TMEM245: variants seen among roughly 807,000 people sequenced by gnomAD.
TMEM245 encodes transmembrane protein 245.
TMEM245 carries 69 observed loss-of-function variants against 101.2 expected under a neutral mutation model. The observed-to-expected ratio is 0.68, with a 90% CI of 0.56 to 0.83. The LOEUF is 0.83. Among genes scored for constraint, TMEM245 ranks in the 40% least tolerant of loss-of-function variants. The probability of loss-of-function intolerance (pLI) is 0.00; values close to 1 mark genes in which losing one functional copy is unlikely to be tolerated. For synonymous variants in TMEM245, 537 were observed against 449.8 expected, an observed-to-expected ratio of 1.19 and a Z score of -2.45; for missense variants, 1,075 against 1,092.8, an observed-to-expected ratio of 0.98 and a Z score of 0.23.
At chr9:109,117,044 T>G (rs765345786) in intron 1 of TMEM245, among the ~76,000 whole-genome samples, 3 of 151,726 alleles carry the variant, frequency 2.0e-5, no homozygotes, top group Non-Finnish European at 4.4e-5. Context: ...TTGAGTTTGT[T>G]TTTTTTTAAC....
chr9:109,025,972 G>GT (rs1564166810), intron 17 of TMEM245, among the ~76,000 whole-genome samples: 1 of 152,162 alleles, frequency 6.6e-6, no homozygotes, highest in African/African-American at 2.4e-5. Flanking sequence ...AGTCTAACAA[G>GT]TTTTTTTGCA....
rs866368243 is a variant in TMEM245 at position 109,063,525 on chromosome 9, C to T, written c.1623+952G>A. Among the ~76,000 whole-genome samples, 3 of 152,108 alleles carry T rather than the reference C, an allele frequency of 2.0e-5. No individual in the cohort carries two copies. In the South Asian group the frequency reaches 6.2e-4, roughly 31 times the overall value. On this transcript the variant is annotated intron_variant, in intron 10 of 17. Coordinates refer to ENST00000374586, the MANE Select transcript of TMEM245 (RefSeq NM_032012.4). The stretch of plus-strand genomic sequence containing the variant: ...TCACATACTAATATATTTTTCTAGG[C>T]ACAAGTCTTACTGCAACAAATCCTG...
At chr9:109,074,055 T>C (rs1199110761) in intron 8 of TMEM245, among the ~76,000 whole-genome samples, 1 of 152,092 alleles carries the variant, frequency 6.6e-6, no homozygotes, top group African/African-American at 2.4e-5. Flanking sequence ...AAAAAAGGTT[T>C]TGCCATGTTG....
At chr9:109,093,050 G>A (rs915797537) in intron 4 of TMEM245, among the ~76,000 whole-genome samples, 1 of 152,082 alleles carries the variant, frequency 6.6e-6, no homozygotes, top group African/African-American at 2.4e-5. Flanking sequence ...AAGAGATAGG[G>A]CAAAATAAAA....
At chr9:109,028,639 AAG>A in intron 17 of TMEM245, among the ~76,000 whole-genome samples, 1 of 152,106 alleles carries the variant, frequency 6.6e-6, no homozygotes, top group East Asian at 1.9e-4. Context: ...TTAAAAAAAA[AAG>A]AGATTATGCT....
At chr9:109,093,960 T>C (rs1005519420) in intron 3 of TMEM245, among the ~76,000 whole-genome samples, 4 of 152,246 alleles carry the variant, frequency 2.6e-5, no homozygotes, top group Admixed American at 6.5e-5. Context: ...TGTCTTAGGC[T>C]ATGTTGTATG....
intron 1 of TMEM245, among the ~76,000 whole-genome samples, chr9:109,113,804 T>C (rs1331399476): frequency 1.3e-5 from 2 of 152,148 alleles, no homozygotes; most frequent in Non-Finnish European, 1.5e-5. Flanking sequence ...AGAATAAAAC[T>C]ACAGGAAGGG....
At chr9:109,037,198 G>A (rs1828153859) in intron 15 of TMEM245, among the ~76,000 whole-genome samples, 1 of 152,202 alleles carries the variant, frequency 6.6e-6, no homozygotes, top group Non-Finnish European at 1.5e-5. Flanking sequence ...GATCTTAAGA[G>A]GTATGGAGGC....
At chr9:109,114,108 A>G in intron 1 of TMEM245, among the ~76,000 whole-genome samples, 1 of 152,144 alleles carries the variant, frequency 6.6e-6, no homozygotes, top group South Asian at 2.1e-4. Context: ...CACCACAACT[A>G]CAAACCTCCT....
At chr9:109,022,866 A>C (rs1331936990) in intron 17 of TMEM245, among the ~76,000 whole-genome samples, 1 of 152,240 alleles carries the variant, frequency 6.6e-6, no homozygotes, top group Non-Finnish European at 1.5e-5. Flanking sequence ...GGGTTCCCTG[A>C]CATCTTTTCA....
At chr9:109,027,737 G>A (rs1475916318) in intron 17 of TMEM245, among the ~76,000 whole-genome samples, 1 of 151,956 alleles carries the variant, frequency 6.6e-6, no homozygotes, top group Non-Finnish European at 1.5e-5. Flanking sequence ...GTGGTGCAAT[G>A]TGCAATGGTG....
chr9:109,076,263 A>C (rs1041943936), intron 8 of TMEM245, among the ~76,000 whole-genome samples: 5 of 138,918 alleles, frequency 3.6e-5, no homozygotes, highest in Admixed American at 1.5e-4. Flanking sequence ...AACCATTCTC[A>C]GCAAACTATC....
chr9:109,046,189 C>G lies in TMEM245; in HGVS notation c.2123+4094G>C, dbSNP rs1430194903. ...CCACTGGCACTGAAAAGCTGTAATC[C>G]CAGCAAGCAAGAGCCATACCCGTGT... On this transcript the variant is annotated intron_variant, in intron 14 of 17. Transcript: ENST00000374586. The G allele has an allele frequency of 5.7e-6, 3 of 529,202 alleles. No individual in the cohort carries two copies. In the African/African-American group the frequency reaches 5.8e-5, roughly 10 times the overall value. 32.8% of individuals were successfully genotyped at this position (529,202 alleles called of 1,614,324 possible).
intron 12 of TMEM245, among the ~76,000 whole-genome samples, chr9:109,053,092 T>A (rs943017235): frequency 2.6e-5 from 4 of 152,162 alleles, no homozygotes; most frequent in African/African-American, 9.7e-5. Context: ...GCAAGGCCCA[T>A]GAAACTCTGA....
In TMEM245 at chr9:109,060,414, A is replaced by T; in HGVS notation, c.1662T>A (p.Ala554=). Residue 554 remains alanine, a synonymous_variant, in exon 11 of 18, where the codon GCT becomes GCA. Transcript: ENST00000374586. ...GTTCTAGTACTTGCTTTTCAATTAC[A>T]GCAGTATTGTTCACCTTATCTCCTA... ...KILGDKVNNT[A]VIEKQVLELW... 1.2e-6 allele frequency: 2 copies of T among 1,613,880 alleles called. No individual in the cohort carries two copies. Among genetic ancestry groups the T allele is most frequent in the Non-Finnish European group, 1.7e-6 (2 of 1,179,858 alleles).
intron 1 of TMEM245, among the ~76,000 whole-genome samples, chr9:109,114,079 A>G (rs1457164329): frequency 7.0e-6 from 1 of 142,304 alleles, no homozygotes; most frequent in Admixed American, 6.7e-5. Flanking sequence ...TCCATCCCCA[A>G]AACAAAACAA....
Position 109,093,740 on chromosome 9 carries a change from T to C in TMEM245, c.800-149A>G. 8.5e-6 allele frequency: 6 copies of C among 704,132 alleles called. No homozygotes were observed. In the South Asian group the frequency reaches 9.8e-5, roughly 12 times the overall value. 43.6% of individuals were successfully genotyped at this position (704,132 alleles called of 1,614,324 possible). On this transcript the variant is annotated intron_variant, in intron 3 of 17. Transcript: ENST00000374586. ...GTGGTTCTTCACCAAGGAAGAACCATTAAGAATTGACATGAAAGTGTGCTA... is the reference window on the plus strand; with the variant it reads ...GTGGTTCTTCACCAAGGAAGAACCACTAAGAATTGACATGAAAGTGTGCTA...
chr9:109,055,907 T>G (rs1256712759), intron 12 of TMEM245, among the ~76,000 whole-genome samples: 2 of 152,186 alleles, frequency 1.3e-5, no homozygotes, highest in Non-Finnish European at 2.9e-5. Flanking sequence ...GTGCTGGGAT[T>G]ACAGGCATAA....
At chr9:109,065,901 C>A (rs184259779) in intron 9 of TMEM245, among the ~76,000 whole-genome samples, 1 of 152,028 alleles carries the variant, frequency 6.6e-6, no homozygotes, top group East Asian at 1.9e-4. Flanking sequence ...TGTGCAACAT[C>A]CTCAACTCAC....
Sources: allele counts gnomAD v4.1 joint callset (sites outside exome capture counted in the v4.1 genomes callset), GRCh38; gene constraint gnomAD v4.1.1; transcripts MANE v1.5; gene names NCBI Gene and HGNC (gene_info 2026-07-23, HGNC 2026-07-21).